Variants in EFR3A observed in about 807,000 individuals in gnomAD.
The protein encoded by EFR3A is protein EFR3 homolog A.
In EFR3A, 76 loss-of-function variants were observed where a neutral mutation model predicts 104.4. The ratio of observed to expected loss-of-function variants is 0.73; its 90% CI spans 0.60 to 0.88. The LOEUF is 0.88. Among genes scored for constraint, EFR3A ranks in the 40% least tolerant of loss-of-function variants. EFR3A has a pLI of 0.00. For synonymous variants in EFR3A, 330 were observed against 330.0 expected, an observed-to-expected ratio of 1.00 and a Z score of 0.00; for missense variants, 985 against 1,012.5, an observed-to-expected ratio of 0.97 and a Z score of 0.37.
chr8:131,974,606 T>G (rs1286014149), intron 10 of EFR3A, among the ~76,000 whole-genome samples: 2 of 152,204 alleles, frequency 1.3e-5, no homozygotes, highest in Admixed American at 6.5e-5. Context: ...CTCATTTCCA[T>G]AAGAGGAAAC....
chr8:132,002,814 C>A, intron 21 of EFR3A, 108 bp downstream of exon 21: 1 of 838,786 alleles, frequency 1.2e-6, no homozygotes, highest in Non-Finnish European at 1.9e-6. Context: ...CAACGGAACA[C>A]AGGAAAATAT....
At chr8:131,933,665 T>C (rs919804391) in intron 1 of EFR3A, among the ~76,000 whole-genome samples, 1 of 152,106 alleles carries the variant, frequency 6.6e-6, no homozygotes, top group Non-Finnish European at 1.5e-5. Flanking sequence ...AAAGTTAAAT[T>C]GAAGTGTAAG....
At chr8:131,926,355 C>T (rs973711152) in intron 1 of EFR3A, among the ~76,000 whole-genome samples, 2 of 151,992 alleles carry the variant, frequency 1.3e-5, no homozygotes, top group African/African-American at 4.8e-5. Context: ...GAAATTATTA[C>T]TTTTTTGGGT....
Position 132,010,427 on chromosome 8 carries a change from T to C in EFR3A, c.2361-363T>C, listed in dbSNP as rs1211023173. Among the ~76,000 whole-genome samples the C allele has an allele frequency of 6.9e-3, 869 of 126,460 alleles. 37 individuals are homozygous for C. The highest frequency in any genetic ancestry group is 0.062 in the East Asian group (287 of 4,616). The allele number at this position is 126,460 out of a possible 152,430, so 83.0% of individuals were successfully genotyped here. A position where few individuals can be genotyped will look rare whatever the true frequency, so the allele number is the denominator to read the frequency against. On this transcript the variant is annotated intron_variant, in intron 22 of 22. Transcript: ENST00000254624. ...TATGAGATATATATATATATATATA[T>C]ATATATATATATATATATATATAAT... is the stretch of plus-strand genomic sequence containing the variant.
chr8:131,972,736 T>C (rs1820138645), intron 10 of EFR3A, among the ~76,000 whole-genome samples: 1 of 152,110 alleles, frequency 6.6e-6, no homozygotes, highest in East Asian at 1.9e-4. Flanking sequence ...CTAATAATAG[T>C]TTCAATTAAT....
Position 132,012,722 on chromosome 8 carries a change from CTG to C in EFR3A, c.*1832_*1833del, listed in dbSNP as rs1189766726. The C allele has an allele frequency of 2.0e-5, 3 of 152,360 alleles. No homozygotes were observed. Among genetic ancestry groups the C allele is most frequent in the Non-Finnish European group, 4.4e-5 (3 of 67,996 alleles). The allele number at this position is 152,360 out of a possible 1,614,324, so 9.4% of individuals were successfully genotyped here. The stretch of plus-strand genomic sequence containing the variant: ...TTGGATGTCATTTTATAGATTAACA[CTG>C]TGTGCTTTTGTATGGAAAAAATATA... On this transcript the variant is annotated 3_prime_UTR_variant, in exon 23 of 23. Transcript: ENST00000254624.
intron 1 of EFR3A, among the ~76,000 whole-genome samples, chr8:131,931,279 C>A (rs1472638881): frequency 6.6e-6 from 1 of 151,956 alleles, no homozygotes; most frequent in Non-Finnish European, 1.5e-5. Flanking sequence ...TCCAAGGCAA[C>A]CTTGTACAAT....
At chr8:131,989,218 T>TATTTTATGGG (rs1160980381) in intron 18 of EFR3A, among the ~76,000 whole-genome samples, 11 of 152,208 alleles carry the variant, frequency 7.2e-5, no homozygotes, top group Non-Finnish European at 1.6e-4. Context: ...TAAACAGTGA[T>TATTTTATGGG]ATTTTATGGG....
intron 22 of EFR3A, among the ~76,000 whole-genome samples, chr8:132,004,570 G>T (rs1247721421): frequency 6.6e-6 from 1 of 152,180 alleles, no homozygotes; most frequent in Non-Finnish European, 1.5e-5. Flanking sequence ...CAAAAAGGTC[G>T]GCGACTGTTG....
chr8:131,909,006 C>T (rs1227080062), intron 1 of EFR3A, among the ~76,000 whole-genome samples: 1 of 152,204 alleles, frequency 6.6e-6, no homozygotes, highest in Non-Finnish European at 1.5e-5. Context: ...CAAATCCTCT[C>T]TTCTAGCTAC....
intron 3 of EFR3A, among the ~76,000 whole-genome samples, chr8:131,946,124 G>T (rs915429139): frequency 2.6e-5 from 4 of 151,940 alleles, no homozygotes; most frequent in Admixed American, 6.6e-5. Flanking sequence ...ATTGGAAATT[G>T]TCACATTAAT....
In EFR3A at chr8:131,940,480, A is replaced by G. The variant is rs557003902; in HGVS notation, c.11-19A>G. The G allele has an allele frequency of 3.9e-5, 54 of 1,387,236 alleles. No individual in the cohort carries two copies. The African/African-American group carries it at 7.6e-4, about 20-fold the overall frequency. 85.9% of individuals were successfully genotyped at this position (1,387,236 alleles called of 1,614,324 possible). A position where few individuals can be genotyped will look rare whatever the true frequency, so the allele number is the denominator to read the frequency against. On this transcript the variant is annotated intron_variant, in intron 1 of 22. Transcript: ENST00000254624. ...ATATTAATAATATCTGTATTTCTTG[A>G]TTTTTTTTTTTTTAACAGGAGTATG...
At chr8:131,962,490 A>G (rs1819419967) in intron 8 of EFR3A, among the ~76,000 whole-genome samples, 1 of 152,240 alleles carries the variant, frequency 6.6e-6, no homozygotes, top group African/African-American at 2.4e-5. Flanking sequence ...TAAAGGGATC[A>G]ATTCAACAAG....
At chr8:131,967,252 A>G (rs576410758) in intron 8 of EFR3A, among the ~76,000 whole-genome samples, 1 of 152,322 alleles carries the variant, frequency 6.6e-6, no homozygotes, top group South Asian at 2.1e-4. Context: ...TTTTAAAAGT[A>G]GATGTGTATT....
At position 132,010,988 on chromosome 8, in the gene EFR3A, C is replaced by A; in HGVS notation, c.*93C>A. The stretch of plus-strand genomic sequence containing the variant: ...GGTTTACTTAATGTGTATTAACATA[C>A]TTCTTGAAAATAATGATGGAACATA... On this transcript the variant is annotated 3_prime_UTR_variant, in exon 23 of 23. Coordinates refer to ENST00000254624, the MANE Select transcript of EFR3A (RefSeq NM_015137.6). 1 of 1,356,466 alleles carries A rather than the reference C, an allele frequency of 7.4e-7. No individual in the cohort carries two copies. Among genetic ancestry groups the A allele is most frequent in the Non-Finnish European group, 9.6e-7 (1 of 1,036,792 alleles). The allele number at this position is 1,356,466 out of a possible 1,614,324, so 84.0% of individuals were successfully genotyped here. A position where few individuals can be genotyped will look rare whatever the true frequency, so the allele number is the denominator to read the frequency against.
rs757337925 is a variant in EFR3A, at chr8:131,976,029, T to G, written c.1162T>G (p.Phe388Val). Residue 388 changes from phenylalanine to valine, a missense_variant and splice_region_variant, in exon 11 of 23, where the codon TTT becomes GTT. Coordinates refer to ENST00000254624, the MANE Select transcript of EFR3A (RefSeq NM_015137.6). Reference sequence around the variant, plus strand: ...AATTTGTCTTAATACTTTCATAGGATTTTTTGGAAGTAACCTACCAGATTA... The same window carrying G: ...AATTTGTCTTAATACTTTCATAGGAGTTTTTGGAAGTAACCTACCAGATTA... ...VQNAIIQTIG[F>V]FGSNLPDYQR... The G allele has an allele frequency of 1.9e-6, 3 of 1,578,530 alleles. No individual in the cohort carries two copies. The highest frequency in any genetic ancestry group is 2.6e-6 in the Non-Finnish European group (3 of 1,157,046).
intron 1 of EFR3A, among the ~76,000 whole-genome samples, chr8:131,917,929 G>C (rs1816822700): frequency 6.6e-6 from 1 of 152,144 alleles, no homozygotes; most frequent in African/African-American, 2.4e-5. Flanking sequence ...TTTCTTCTTA[G>C]AGGCATATGA....
intron 10 of EFR3A, among the ~76,000 whole-genome samples, chr8:131,971,685 C>CAAA (rs34769645): frequency 7.9e-6 from 1 of 126,154 alleles, no homozygotes. Context: ...GACTCCGTCT[C>CAAA]AAAAAAAAAA....
intron 17 of EFR3A, 76 bp downstream of exon 17, chr8:131,986,337 A>T: frequency 1.5e-6 from 1 of 672,232 alleles, no homozygotes; most frequent in Non-Finnish European, 2.5e-6. Context: ...AAAGGAGTAA[A>T]TATTGTTACA....
Sources: allele counts gnomAD v4.1 joint callset (sites outside exome capture counted in the v4.1 genomes callset), GRCh38; gene constraint gnomAD v4.1.1; transcripts MANE v1.5; gene names NCBI Gene and HGNC (gene_info 2026-07-23, HGNC 2026-07-21).